The following RPS6KC1 variants were observed in gnomAD, a reference collection of about 807,000 sequenced individuals.
The protein encoded by RPS6KC1 is ribosomal protein S6 kinase C1, also known as inactive ribosomal protein S6 kinase delta-1.
Under a neutral mutation model 103.8 loss-of-function variants are expected in RPS6KC1, and 54 were observed. The ratio of observed to expected loss-of-function variants is 0.52; its 90% CI spans 0.42 to 0.65. The LOEUF is 0.65. Among genes scored for constraint, RPS6KC1 ranks in the 30% least tolerant of loss-of-function variants. RPS6KC1 has a pLI of 0.00. For missense variants in RPS6KC1, 1,151 were observed against 1,253.8 expected (o/e 0.92, Z 1.24); for synonymous variants, 439 against 438.7 (o/e 1.00, Z -0.01).
the RPS6KC1 span, among the ~76,000 whole-genome samples, chr1:213,736,893 G>C: frequency 2.6e-5 from 4 of 152,180 alleles, no homozygotes; most frequent in East Asian, 7.7e-4. Context: ...AGGGGTGAAA[G>C]AGAAACCTAA....
Position 213,216,013 on chromosome 1 carries a change from A to G in RPS6KC1, c.1045-14484A>G, listed in dbSNP as rs963432151. On this transcript the variant is annotated intron_variant, in intron 8 of 14. Coordinates refer to ENST00000366960, the MANE Select transcript of RPS6KC1 (RefSeq NM_012424.6). ...AGCTAACATCATAATGACAGGATCA[A>G]ATTCACACATGACAATATTAACCTT... Among the ~76,000 whole-genome samples the G allele has an allele frequency of 2.6e-5, 4 of 152,344 alleles. 1 individual carries two copies. Among genetic ancestry groups the G allele is most frequent in the African/African-American group, 4.8e-5 (2 of 41,574 alleles).
the RPS6KC1 span, among the ~76,000 whole-genome samples, chr1:213,848,572 A>G: frequency 6.6e-6 from 1 of 152,092 alleles, no homozygotes; most frequent in Non-Finnish European, 1.5e-5. Flanking sequence ...ATATATTTTA[A>G]AAACTGTTAT....
chr1:213,352,117 G>A, the RPS6KC1 span, among the ~76,000 whole-genome samples: 1 of 152,152 alleles, frequency 6.6e-6, no homozygotes, highest in African/African-American at 2.4e-5. Context: ...TCAGTATTCA[G>A]TATCAGTGTC....
At chr1:213,607,157 T>C in the RPS6KC1 span, among the ~76,000 whole-genome samples, 2 of 152,180 alleles carry the variant, frequency 1.3e-5, no homozygotes, top group African/African-American at 2.4e-5. Context: ...AAGGAATTTA[T>C]TGGAAAGACA....
chr1:213,056,190 C>G (rs1328830470), intron 1 of RPS6KC1, among the ~76,000 whole-genome samples: 1 of 152,148 alleles, frequency 6.6e-6, no homozygotes, highest in South Asian at 2.1e-4. Flanking sequence ...CTTACTGAGT[C>G]AAGCAGTTTA....
chr1:213,559,776 G>A, the RPS6KC1 span, among the ~76,000 whole-genome samples: 20,330 of 152,086 alleles, frequency 0.13, 1,554 homozygotes, highest in Non-Finnish European at 0.17. Flanking sequence ...ACATTAAAAA[G>A]TAAACATAAT....
At chr1:213,093,605 A>C (rs553969309) in intron 3 of RPS6KC1, among the ~76,000 whole-genome samples, 1 of 152,176 alleles carries the variant, frequency 6.6e-6, no homozygotes, top group South Asian at 2.1e-4. Context: ...GAGCTGATGT[A>C]GTTATTGTTC....
At chr1:213,195,376 TA>T (rs1306689170) in intron 8 of RPS6KC1, among the ~76,000 whole-genome samples, 2 of 152,246 alleles carry the variant, frequency 1.3e-5, no homozygotes, top group Non-Finnish European at 2.9e-5. Flanking sequence ...GAATTTTCTG[TA>T]CAATGTTTGC....
chr1:213,405,915 G>A, the RPS6KC1 span, among the ~76,000 whole-genome samples: 367 of 152,320 alleles, frequency 2.4e-3, 2 homozygotes, highest in African/African-American at 8.4e-3. Context: ...GGGCCATGGC[G>A]GTGAAGCCTC....
chr1:213,297,516 G>A, the RPS6KC1 span, among the ~76,000 whole-genome samples: 3 of 152,162 alleles, frequency 2.0e-5, no homozygotes. Flanking sequence ...AGGATTAGCC[G>A]AGAATACTTG....
At chr1:213,681,497 TA>T in the RPS6KC1 span, among the ~76,000 whole-genome samples, 20,284 of 151,906 alleles carry the variant, frequency 0.13, 1,469 homozygotes, top group Non-Finnish European at 0.15. Context: ...GAGAAGGTGT[TA>T]AATATATAGA....
At chr1:213,359,459 G>T in the RPS6KC1 span, among the ~76,000 whole-genome samples, 87,560 of 151,960 alleles carry the variant, frequency 0.58, 27,807 homozygotes, top group East Asian at 0.93. Context: ...TCTCTGCAGG[G>T]GAGATGGGTC....
At chr1:213,840,381 C>T in the RPS6KC1 span, 7 of 152,154 alleles carry the variant, frequency 4.6e-5, no homozygotes, top group Non-Finnish European at 7.3e-5. Flanking sequence ...TCATTCAACA[C>T]GTATTGATTG....
rs1020771602 is a variant in RPS6KC1, at chr1:213,051,300, C to T, written c.-105C>T. 1.0e-5 allele frequency: 8 copies of T among 787,606 alleles called. No individual in the cohort carries two copies. The highest frequency in any genetic ancestry group is 2.3e-5 in the Admixed American group (1 of 43,842). 48.8% of individuals were successfully genotyped at this position (787,606 alleles called of 1,614,324 possible). ...CCGTGGAGCCGCCTTGGAGCCACCGCCCCCTCGCCGCTTCGCCGCTGCGTT... is the reference window on the plus strand; with the variant it reads ...CCGTGGAGCCGCCTTGGAGCCACCGTCCCCTCGCCGCTTCGCCGCTGCGTT... On this transcript the variant is annotated 5_prime_UTR_variant, in exon 1 of 15. Transcript: ENST00000366960.
chr1:213,833,892 C>T, the RPS6KC1 span, among the ~76,000 whole-genome samples: 3 of 152,158 alleles, frequency 2.0e-5, no homozygotes, highest in South Asian at 6.2e-4. Flanking sequence ...AAGCATACCA[C>T]AGAACTTATC....
At chr1:213,788,912 T>G in the RPS6KC1 span, among the ~76,000 whole-genome samples, 3 of 151,818 alleles carry the variant, frequency 2.0e-5, no homozygotes, top group Non-Finnish European at 4.4e-5. Context: ...CACACAAAGT[T>G]TCTTTGATGA....
chr1:213,778,019 T>A, the RPS6KC1 span, among the ~76,000 whole-genome samples: 2 of 152,188 alleles, frequency 1.3e-5, no homozygotes, highest in Admixed American at 6.5e-5. Context: ...GCCACTCAGC[T>A]AGTGTGCGCT....
At chr1:213,793,521 A>C in the RPS6KC1 span, among the ~76,000 whole-genome samples, 2 of 152,140 alleles carry the variant, frequency 1.3e-5, no homozygotes, top group Non-Finnish European at 2.9e-5. Context: ...AGTTTTCCTT[A>C]CACCTTGGGG....
the RPS6KC1 span, among the ~76,000 whole-genome samples, chr1:213,472,308 A>C: frequency 6.6e-6 from 1 of 152,378 alleles, no homozygotes; most frequent in African/African-American, 2.4e-5. Flanking sequence ...TATGGTGAAC[A>C]TAATTGTTAG....
Sources: gnomAD v4.1 joint callset for allele counts (sites outside exome capture counted in the v4.1 genomes callset) on GRCh38, gnomAD v4.1.1 for gene constraint, MANE v1.5 for transcripts, NCBI Gene and HGNC (gene_info 2026-07-23, HGNC 2026-07-21) for gene names.